The following MKKS variants were observed in gnomAD, a reference collection of about 807,000 sequenced individuals.
The protein encoded by MKKS is molecular chaperone MKKS.
Under a neutral mutation model 33.2 loss-of-function variants are expected in MKKS, and 29 were observed. The ratio of observed to expected loss-of-function variants is 0.87; its 90% confidence interval spans 0.65 to 1.19. The LOEUF is 1.19. Among genes scored for constraint, MKKS ranks in the 50% most tolerant of loss-of-function variants. The probability of loss-of-function intolerance (pLI) is 0.00; values close to 1 mark genes in which losing one functional copy is unlikely to be tolerated. For missense variants in MKKS, 661 were observed against 662.3 expected (o/e 1.00, Z 0.02); for synonymous variants, 260 against 244.0 (o/e 1.07, Z -0.61).
chr20:10,412,336 T>C (rs2122233247), intron 3 of MKKS, among the ~76,000 whole-genome samples, 194 bp downstream of exon 3: 3 of 152,216 alleles, frequency 2.0e-5, no homozygotes, highest in Admixed American at 2.0e-4. Flanking sequence ...ACATAGAAAA[T>C]GGCTATAATC....
chr20:10,409,524 TAAGAA>T (rs1257194259), intron 3 of MKKS, among the ~76,000 whole-genome samples: 1 of 152,188 alleles, frequency 6.6e-6, no homozygotes, highest in African/African-American at 2.4e-5. Context: ...GGAAGTTATG[TAAGAA>T]AAGAAACCTA....
Position 10,412,961 on chromosome 20 carries a change from G to GT in MKKS, c.553dup (p.Thr185AsnfsTer7). 1 of 1,613,852 alleles carries GT rather than the reference G, an allele frequency of 6.2e-7. No homozygotes were observed. The highest frequency in any genetic ancestry group is 8.5e-7 in the Non-Finnish European group (1 of 1,179,976). ...GTGGCCTTCAGCATTTTCTGGAATT[G>GT]TAAGCAAAAAGGCTCTCAGGATCAA... On this transcript the variant is annotated frameshift_variant, in exon 3 of 6. Coordinates refer to ENST00000347364, the MANE Select transcript of MKKS (RefSeq NM_170784.3). LOFTEE classifies it high-confidence loss of function.
At chr20:10,406,235 T>A (rs2064843602) in intron 5 of MKKS, among the ~76,000 whole-genome samples, 1 of 152,204 alleles carries the variant, frequency 6.6e-6, no homozygotes, top group African/African-American at 2.4e-5. Flanking sequence ...CCTTAAACAG[T>A]CTTCTGGTTC....
chr20:10,419,112 C>T (rs2064961323), intron 2 of MKKS, among the ~76,000 whole-genome samples: 2 of 152,048 alleles, frequency 1.3e-5, no homozygotes, highest in African/African-American at 2.4e-5. Flanking sequence ...AAATCTCAGA[C>T]CAAGGCTTAT....
intron 1 of MKKS, among the ~76,000 whole-genome samples, chr20:10,433,324 C>T (rs932860666): frequency 5.3e-5 from 8 of 152,142 alleles, no homozygotes; most frequent in Non-Finnish European, 8.8e-5. Flanking sequence ...ATTTTCTATC[C>T]GCAGTTGGTT....
Position 10,412,995 on chromosome 20 carries a change from C to T in MKKS, c.520G>A (p.Val174Ile). ...CMLTRKETEHVSALILRAFLL... is the reference protein window; with the variant it reads ...CMLTRKETEHISALILRAFLL... ...AAGGCTCTCAGGATCAAAGCACTGA[C>T]ATGCTCTGTTTCCTTTCTGGTGAGC... The change falls in exon 3 of 6, where the codon GTC becomes ATC. Residue 174 changes from valine (V) to isoleucine (I), a missense_variant. Physicochemically the swap from Val to Ile is conservative, Grantham distance 29 (BLOSUM62 3). Transcript: ENST00000347364. The T allele has an allele frequency of 1.2e-6, 2 of 1,614,136 alleles. No homozygotes were observed. The highest frequency in any genetic ancestry group is 1.7e-6 in the Non-Finnish European group (2 of 1,180,044).
chr20:10,427,691 T>C (rs575484301), intron 1 of MKKS, among the ~76,000 whole-genome samples: 1 of 152,340 alleles, frequency 6.6e-6, no homozygotes, highest in East Asian at 1.9e-4. Flanking sequence ...ACTGACATGG[T>C]AAACAGAACA....
chr20:10,426,407 T>C (rs1048031146), intron 1 of MKKS, among the ~76,000 whole-genome samples: 1 of 147,868 alleles, frequency 6.8e-6, no homozygotes, highest in African/African-American at 2.5e-5. Flanking sequence ...CCTGGCATGT[T>C]GTTCTTTTTT....
chr20:10,431,208 T>C (rs1380121175), intron 1 of MKKS, among the ~76,000 whole-genome samples: 1 of 152,182 alleles, frequency 6.6e-6, no homozygotes, highest in East Asian at 1.9e-4. Context: ...AAAGCAATTA[T>C]ATATTATCAT....
intron 4 of MKKS, 26 bp from the exon 5 acceptor site, chr20:10,407,752 ATCAGACGT>A: frequency 6.5e-7 from 1 of 1,541,162 alleles, no homozygotes; most frequent in Non-Finnish European, 9.0e-7. Flanking sequence ...AATCATCAGA[ATCAGACGT>A]TCACATCATA....
intron 2 of MKKS, among the ~76,000 whole-genome samples, chr20:10,418,118 T>C (rs890629119): frequency 3.3e-5 from 5 of 152,206 alleles, no homozygotes; most frequent in African/African-American, 1.2e-4. Flanking sequence ...ATAATGCAAA[T>C]GTGTTTGTGT....
intron 1 of MKKS, among the ~76,000 whole-genome samples, chr20:10,426,929 G>A (rs1441597509): frequency 2.6e-5 from 4 of 152,066 alleles, no homozygotes; most frequent in African/African-American, 7.2e-5. Context: ...ATGACAGCAA[G>A]AGATTAATGA....
intron 3 of MKKS, 22 bp downstream of exon 3, chr20:10,412,508 A>C: frequency 6.2e-7 from 1 of 1,611,532 alleles, no homozygotes; most frequent in Non-Finnish European, 8.5e-7. Context: ...TGTAAGAGGC[A>C]AAAGCAAAGA....
chr20:10,427,062 AC>A (rs2065020558), intron 1 of MKKS, among the ~76,000 whole-genome samples: 2 of 151,620 alleles, frequency 1.3e-5, no homozygotes, highest in Non-Finnish European at 3.0e-5. Context: ...ACACACACAC[AC>A]ACACACACAC....
intron 1 of MKKS, chr20:10,431,688 T>C (rs1041676028): frequency 2.0e-5 from 3 of 152,192 alleles, no homozygotes; most frequent in African/African-American, 7.2e-5. Context: ...ACTTACTCCA[T>C]CTTTAGTTAC....
At chr20:10,411,134 G>A (rs534465289) in intron 3 of MKKS, among the ~76,000 whole-genome samples, 5 of 150,734 alleles carry the variant, frequency 3.3e-5, no homozygotes, top group Middle Eastern at 3.4e-3. Flanking sequence ...TTACAAGTGC[G>A]GCCACCATGC....
In MKKS at chr20:10,412,641, G is replaced by T; in HGVS notation, c.874C>A (p.Leu292Met). The T allele has an allele frequency of 6.2e-7, 1 of 1,614,114 alleles. No homozygotes were observed. Among genetic ancestry groups the T allele is most frequent in the Non-Finnish European group, 8.5e-7 (1 of 1,180,010 alleles). Residue 292 changes from leucine (L) to methionine (M), a missense_variant, in exon 3 of 6, where the codon CTG (leucine) becomes ATG (methionine). Coordinates refer to ENST00000347364, the MANE Select transcript of MKKS (RefSeq NM_170784.3). ...GATGGATGTATAACTTTTTGGCACA[G>T]GACAAGATCTACGTGGTCACTGATT... ...QLISDHVDLV[L>M]CQKVIHPSLK...
At chr20:10,407,499 G>T in intron 5 of MKKS, 117 bp downstream of exon 5, 2 of 872,456 alleles carry the variant, frequency 2.3e-6, no homozygotes, top group Non-Finnish European at 3.7e-6. Flanking sequence ...ATGCACCCCT[G>T]AACCTAAAAG....
intron 4 of MKKS, among the ~76,000 whole-genome samples, chr20:10,408,116 C>A (rs573873374): frequency 6.6e-6 from 1 of 151,990 alleles, no homozygotes; most frequent in African/African-American, 2.4e-5. Flanking sequence ...CAGTTACATC[C>A]CAGCAATAAT....
Sources: allele counts gnomAD v4.1 joint callset (sites outside exome capture counted in the v4.1 genomes callset), GRCh38; gene constraint gnomAD v4.1.1; transcripts MANE v1.5; gene names NCBI Gene and HGNC (gene_info 2026-07-23, HGNC 2026-07-21).